ZMYM6: variants seen among roughly 807,000 people sequenced by gnomAD.
ZMYM6 encodes zinc finger MYM-type containing 6.
ZMYM6 carries 90 observed loss-of-function variants against 134.0 expected under a neutral mutation model. The ratio of observed to expected loss-of-function variants is 0.67; its 90% CI spans 0.57 to 0.80. The LOEUF (loss-of-function observed/expected upper bound fraction) is 0.80, where lower values mean the gene tolerates loss of function less well. ZMYM6 is among the 30% of genes least tolerant of loss of function. The probability of loss-of-function intolerance (pLI) is 0.00; values close to 1 mark genes in which losing one functional copy is unlikely to be tolerated. For synonymous variants in ZMYM6, 481 were observed against 524.1 expected (o/e 0.92, Z 1.12); for missense variants, 1,362 against 1,533.9 (o/e 0.89, Z 1.87).
chr1:35,018,981 A>ATACTTTTTTTTT lies in ZMYM6; in HGVS notation c.428+371_428+372insAAAAAAAAAGTA, dbSNP rs1641255084. 5 of 285,528 alleles carry ATACTTTTTTTTT rather than the reference A, an allele frequency of 1.8e-5. No homozygotes were observed. The East Asian group carries it at 2.6e-4, about 15-fold the overall frequency. The allele number at this position is 285,528 out of a possible 1,614,324, so 17.7% of individuals were successfully genotyped here. A position where few individuals can be genotyped will look rare whatever the true frequency, so the allele number is the denominator to read the frequency against. ...GTTTTTACTTTTTAAAGAATTAAATAGCTTTTGTATACTATTAAAAGAGTG... is the reference window on the plus strand; with the variant it reads ...GTTTTTACTTTTTAAAGAATTAAATATACTTTTTTTTTGCTTTTGTATACTATTAAAAGAGTG... On this transcript the variant is annotated intron_variant, in intron 4 of 15. Transcript: ENST00000357182.
At position 35,010,599 on chromosome 1, in the gene ZMYM6, T is replaced by C. The variant is rs1166697329; in HGVS notation, c.1342-2A>G. On this transcript the variant is annotated splice_acceptor_variant, in intron 9 of 15. Coordinates refer to ENST00000357182, the MANE Select transcript of ZMYM6 (RefSeq NM_007167.4). LOFTEE classifies it high-confidence loss of function. ...GCCACAAAACAGAAACATTTTACCCTGCAGAGAAACAACAGTCCATTAAGA... is the reference window on the plus strand; with the variant it reads ...GCCACAAAACAGAAACATTTTACCCCGCAGAGAAACAACAGTCCATTAAGA... 2 of 1,606,810 alleles carry C rather than the reference T, an allele frequency of 1.2e-6. No individual in the cohort carries two copies. The highest frequency in any genetic ancestry group is 1.7e-6 in the Non-Finnish European group (2 of 1,178,000).
intron 14 of ZMYM6, among the ~76,000 whole-genome samples, chr1:34,993,161 G>A (rs1199018456): frequency 6.7e-6 from 1 of 150,320 alleles, no homozygotes; most frequent in Admixed American, 6.6e-5. Flanking sequence ...ACTCAGGCTG[G>A]AGTACAGTGA....
intron 14 of ZMYM6, among the ~76,000 whole-genome samples, chr1:35,000,904 A>C (rs1196084426): frequency 6.6e-6 from 1 of 152,154 alleles, no homozygotes; most frequent in Non-Finnish European, 1.5e-5. Context: ...GATAGTGGGA[A>C]TATCATAGAG....
chr1:35,014,591 C>T, intron 6 of ZMYM6, 106 bp downstream of exon 6: 2 of 1,092,012 alleles, frequency 1.8e-6, no homozygotes, highest in Non-Finnish European at 2.6e-6. Flanking sequence ...AATCACATAT[C>T]AGGATGGACT....
At chr1:35,011,724 CA>C (rs1641090300) in intron 8 of ZMYM6, among the ~76,000 whole-genome samples, 165 bp downstream of exon 8, 1 of 152,166 alleles carries the variant, frequency 6.6e-6, no homozygotes, top group African/African-American at 2.4e-5. Context: ...TATCTGGGTT[CA>C]GATATTTTGT....
chr1:35,002,345 C>G (rs973730780), intron 14 of ZMYM6, among the ~76,000 whole-genome samples: 2 of 152,322 alleles, frequency 1.3e-5, no homozygotes, highest in Non-Finnish European at 2.9e-5. Flanking sequence ...TTGGAGTTAG[C>G]AGATACAGCT....
intron 4 of ZMYM6, 72 bp from the exon 5 acceptor site, chr1:35,015,234 G>T: frequency 7.3e-7 from 1 of 1,374,196 alleles, no homozygotes; most frequent in Non-Finnish European, 9.8e-7. Flanking sequence ...TTTGTGAGGT[G>T]AAATAACACT....
intron 14 of ZMYM6, among the ~76,000 whole-genome samples, chr1:34,992,951 T>A (rs911538015): frequency 2.0e-5 from 3 of 149,098 alleles, no homozygotes; most frequent in South Asian, 4.2e-4. Flanking sequence ...CAATTGTTAA[T>A]CTTGCTGATT....
intron 14 of ZMYM6, among the ~76,000 whole-genome samples, chr1:35,002,810 T>C (rs933433693): frequency 5.3e-5 from 8 of 152,166 alleles, no homozygotes; most frequent in Admixed American, 3.9e-4. Context: ...CCACTTAATA[T>C]AACACTTAAA....
chr1:34,993,946 A>G (rs1640730327), intron 14 of ZMYM6, among the ~76,000 whole-genome samples: 1 of 152,078 alleles, frequency 6.6e-6, no homozygotes, highest in Admixed American at 6.6e-5. Flanking sequence ...TGGCCTCCCA[A>G]AGTGCTGGGA....
At chr1:35,027,063 T>C (rs1337157972) in intron 2 of ZMYM6, among the ~76,000 whole-genome samples, 2 of 152,176 alleles carry the variant, frequency 1.3e-5, no homozygotes, top group African/African-American at 4.8e-5. Context: ...AACTTCATCT[T>C]AAAAGAGGAC....
At position 35,012,548 on chromosome 1, in the gene ZMYM6, T is replaced by G. The variant is rs541752346; in HGVS notation, c.829A>C (p.Lys277Gln). 14 of 1,613,448 alleles carry G rather than the reference T, an allele frequency of 8.7e-6. No homozygotes were observed. In the East Asian group the frequency reaches 3.1e-4, roughly 36 times the overall value. ...SAQIPPYALG[K>Q]SLRPSAEMIE... is the part of the protein sequence containing the mutation. The stretch of plus-strand genomic sequence containing the variant: ...ATTTCAGCTGAGGGCCTCAATGACT[T>G]CCCCAGGGCATATGGAGGAATTTGG... Residue 277 changes from lysine (K) to glutamine (Q), a missense_variant, in exon 7 of 16, where the codon AAG (lysine) becomes CAG (glutamine). Transcript: ENST00000357182.
rs1281607567 is a variant in ZMYM6 at position 34,986,190 on chromosome 1, T to C, written c.*914A>G. On this transcript the variant is annotated 3_prime_UTR_variant, in exon 16 of 16. Coordinates refer to ENST00000357182, the MANE Select transcript of ZMYM6 (RefSeq NM_007167.4). ...TTTCAGTGTTCATGAATAAGTTTTA[T>C]TTAAAAACAGCCACACTTATCTGCA... 6.6e-6 allele frequency: 1 copy of C among 152,268 alleles called. No homozygotes were observed. Among genetic ancestry groups the C allele is most frequent in the African/African-American group, 2.4e-5 (1 of 41,480 alleles). The allele number at this position is 152,268 out of a possible 1,614,324, so 9.4% of individuals were successfully genotyped here. A position where few individuals can be genotyped will look rare whatever the true frequency, so the allele number is the denominator to read the frequency against.
chr1:35,030,699 T>G lies in ZMYM6; in HGVS notation c.-60A>C. 1 of 1,475,134 alleles carries G rather than the reference T, an allele frequency of 6.8e-7. No homozygotes were observed. The highest frequency in any genetic ancestry group is 9.4e-7 in the Non-Finnish European group (1 of 1,069,238). 91.4% of individuals were successfully genotyped at this position (1,475,134 alleles called of 1,614,324 possible). A position where few individuals can be genotyped will look rare whatever the true frequency, so the allele number is the denominator to read the frequency against. ...AAACGAATAGATTTCTTCTTGGTAA[T>G]GGATAGTTGGACACCTAAAATACAT... On this transcript the variant is annotated 5_prime_UTR_variant, in exon 2 of 16. Transcript: ENST00000357182.
At chr1:34,998,651 T>A (rs1165307723) in intron 14 of ZMYM6, among the ~76,000 whole-genome samples, 1 of 151,898 alleles carries the variant, frequency 6.6e-6, no homozygotes, top group African/African-American at 2.4e-5. Flanking sequence ...TGAAGAGAAG[T>A]CTGGAGGGAT....
chr1:35,012,551 C>G lies in ZMYM6; in HGVS notation c.826G>C (p.Gly276Arg). ...NSAQIPPYAL[G>R]KSLRPSAEMI... ...TCAGCTGAGGGCCTCAATGACTTCC[C>G]CAGGGCATATGGAGGAATTTGGGCA... Residue 276 changes from glycine to arginine, a missense_variant, in exon 7 of 16, where the codon GGG (glycine) becomes CGG (arginine). Physicochemically the swap from Gly to Arg is moderately radical, Grantham distance 125. Transcript: ENST00000357182. The G allele has an allele frequency of 6.2e-7, 1 of 1,613,296 alleles. No individual in the cohort carries two copies. Among genetic ancestry groups the G allele is most frequent in the Non-Finnish European group, 8.5e-7 (1 of 1,179,716 alleles).
rs142539781 is a variant in ZMYM6, at chr1:34,992,327, G to T, written c.2053C>A (p.Leu685Ile). 97 of 1,614,058 alleles carry T rather than the reference G, an allele frequency of 6.0e-5. No individual in the cohort carries two copies. In the African/African-American group the frequency reaches 1.2e-3, roughly 20 times the overall value. The stretch of plus-strand genomic sequence containing the variant: ...CATGATATGCCTTTGTTCTTTAAAA[G>T]CCTGGAAGGCTGGGAAGATTGGGAA... ...PSSQSSQPSR[L>I]LKNKGISCKP... Residue 685 changes from leucine (L) to isoleucine (I), a missense_variant, in exon 15 of 16, where the codon CTT becomes ATT. Leu to Ile is a conservative substitution (Grantham distance 5, BLOSUM62 2). Transcript: ENST00000357182.
In ZMYM6 at chr1:35,030,536, G is replaced by A. The variant is rs750859171; in HGVS notation, c.93+11C>T. On this transcript the variant is annotated intron_variant, in intron 2 of 15. Transcript: ENST00000357182. ...TTTTTTTAAATTTTTAAATGAAGAT[G>A]AAATGCTTACTTGAGCATTGTCTGG... 1 of 1,587,564 alleles carries A rather than the reference G, an allele frequency of 6.3e-7. No homozygotes were observed. The highest frequency in any genetic ancestry group is 2.0e-5 in the Admixed American group (1 of 50,672).
Position 34,987,098 on chromosome 1 carries a change from A to G in ZMYM6, c.*6T>C, listed in dbSNP as rs1640589732. 6.5e-7 allele frequency: 1 copy of G among 1,532,368 alleles called. No individual in the cohort carries two copies. Among genetic ancestry groups the G allele is most frequent in the Non-Finnish European group, 8.8e-7 (1 of 1,141,166 alleles). 94.9% of individuals were successfully genotyped at this position (1,532,368 alleles called of 1,614,324 possible). On this transcript the variant is annotated 3_prime_UTR_variant, in exon 16 of 16. Coordinates refer to ENST00000357182, the MANE Select transcript of ZMYM6 (RefSeq NM_007167.4). ...TTGACTTCACTGTTAAGCAATGTGC[A>G]TATTGCTACTCTTTCTCCTTCACTA...
Sources: gnomAD v4.1 joint callset for allele counts (sites outside exome capture counted in the v4.1 genomes callset) on GRCh38, gnomAD v4.1.1 for gene constraint, MANE v1.5 for transcripts, NCBI Gene and HGNC (gene_info 2026-07-23, HGNC 2026-07-21) for gene names.